PTPRT: variants seen among roughly 807,000 people sequenced by gnomAD.
The protein encoded by PTPRT is protein tyrosine phosphatase receptor type T.
In PTPRT, 56 loss-of-function variants were observed where a neutral mutation model predicts 176.8. That is an observed-to-expected ratio of 0.32 (90% CI 0.26 to 0.40). The LOEUF is 0.40. PTPRT is among the 10% of genes least tolerant of loss of function. The pLI is 1.00. For synonymous variants in PTPRT, 783 were observed against 739.0 expected (o/e 1.06, Z -0.96); for missense variants, 1,540 against 1,908.2 (o/e 0.81, Z 3.60).
intron 1 of PTPRT, among the ~76,000 whole-genome samples, chr20:43,165,969 C>T (rs1335682354): frequency 1.3e-5 from 2 of 152,126 alleles, no homozygotes; most frequent in East Asian, 1.9e-4. Flanking sequence ...GCAGGCAGAT[C>T]ACCTGAGGTC....
At chr20:42,547,290 C>A (rs1050852016) in intron 7 of PTPRT, among the ~76,000 whole-genome samples, 2 of 151,918 alleles carry the variant, frequency 1.3e-5, no homozygotes, top group Non-Finnish European at 2.9e-5. Flanking sequence ...AACATGGACA[C>A]CAAGAAATAC....
intron 7 of PTPRT, among the ~76,000 whole-genome samples, chr20:42,657,809 T>A (rs1249271486): frequency 3.3e-5 from 5 of 152,216 alleles, no homozygotes; most frequent in Non-Finnish European, 5.9e-5. Flanking sequence ...ATTCCTGAAG[T>A]ATACAGATCT....
chr20:42,488,199 T>C (rs1023483193), intron 7 of PTPRT, among the ~76,000 whole-genome samples: 1 of 152,334 alleles, frequency 6.6e-6, no homozygotes, highest in Admixed American at 6.5e-5. Context: ...AATCACACTG[T>C]AGTAGACCTT....
At chr20:42,702,511 A>G (rs1254665092) in intron 6 of PTPRT, among the ~76,000 whole-genome samples, 1 of 152,150 alleles carries the variant, frequency 6.6e-6, no homozygotes, top group African/African-American at 2.4e-5. Context: ...CTCCCTTGAC[A>G]CACTGAACCC....
chr20:42,487,305 G>C (rs1199998686), intron 7 of PTPRT, among the ~76,000 whole-genome samples: 1 of 152,140 alleles, frequency 6.6e-6, no homozygotes, highest in African/African-American at 2.4e-5. Flanking sequence ...AGCCAAACTG[G>C]TCAGATGAGT....
intron 1 of PTPRT, among the ~76,000 whole-genome samples, chr20:43,141,189 G>A (rs1247457988): frequency 6.6e-6 from 1 of 152,208 alleles, no homozygotes; most frequent in Non-Finnish European, 1.5e-5. Context: ...ATGTCAGTTA[G>A]CTCTGGCTGT....
chr20:42,958,294 A>G (rs1346887457), intron 1 of PTPRT, among the ~76,000 whole-genome samples: 2 of 724 alleles, frequency 2.8e-3, no homozygotes, highest in Non-Finnish European at 5.6e-3. Flanking sequence ...GGAAGGGGAG[A>G]GGAGGGGAGG....
chr20:42,646,827 T>G (rs1234676356), intron 7 of PTPRT, among the ~76,000 whole-genome samples: 1 of 148,590 alleles, frequency 6.7e-6, no homozygotes, highest in East Asian at 2.0e-4. Context: ...ATAAATCACA[T>G]GTACCTGTTC....
intron 7 of PTPRT, among the ~76,000 whole-genome samples, chr20:42,484,459 C>T (rs1410008858): frequency 6.6e-6 from 1 of 152,180 alleles, no homozygotes; most frequent in East Asian, 1.9e-4. Context: ...CTGCCACTTT[C>T]GTTGCCTGTT....
At chr20:43,177,222 C>A (rs529988117) in intron 1 of PTPRT, among the ~76,000 whole-genome samples, 1 of 152,228 alleles carries the variant, frequency 6.6e-6, no homozygotes, top group African/African-American at 2.4e-5. Context: ...TGAGAATTTG[C>A]GGGGAGCTGA....
At chr20:42,434,716 C>T (rs1287804779) in intron 9 of PTPRT, among the ~76,000 whole-genome samples, 7 of 150,220 alleles carry the variant, frequency 4.7e-5, no homozygotes, top group Non-Finnish European at 8.9e-5. Context: ...AATCCCAGCA[C>T]TTTGGGAGGC....
At chr20:42,728,846 C>T (rs1569116286) in intron 6 of PTPRT, among the ~76,000 whole-genome samples, 1 of 152,302 alleles carries the variant, frequency 6.6e-6, no homozygotes, top group East Asian at 1.9e-4. Flanking sequence ...GAAATCATCT[C>T]ATTTAACTTC....
At chr20:42,584,277 C>G (rs2073431728) in intron 7 of PTPRT, among the ~76,000 whole-genome samples, 1 of 152,172 alleles carries the variant, frequency 6.6e-6, no homozygotes, top group Non-Finnish European at 1.5e-5. Context: ...CCATAAATCT[C>G]TACGTGATCT....
chr20:42,066,512 T>C, the PTPRT span, among the ~76,000 whole-genome samples: 1 of 152,186 alleles, frequency 6.6e-6, no homozygotes, highest in African/African-American at 2.4e-5. Context: ...ATATTCATAA[T>C]ATGAATTAAG....
chr20:42,060,115 T>C, the PTPRT span, among the ~76,000 whole-genome samples: 1 of 152,222 alleles, frequency 6.6e-6, no homozygotes, highest in African/African-American at 2.4e-5. Context: ...CACCAAATTT[T>C]GGATGGAGTA....
At chr20:42,210,710 G>C (rs2055601738) in intron 15 of PTPRT, among the ~76,000 whole-genome samples, 1 of 151,862 alleles carries the variant, frequency 6.6e-6, no homozygotes, top group African/African-American at 2.4e-5. Context: ...CGTGAAAATG[G>C]CCATACTGCC....
chr20:42,751,113 T>C (rs2076763899), intron 6 of PTPRT, among the ~76,000 whole-genome samples: 1 of 152,186 alleles, frequency 6.6e-6, no homozygotes, highest in Non-Finnish European at 1.5e-5. Flanking sequence ...TGTGAGCCAG[T>C]CAGCCATGAA....
At chr20:42,184,595 C>CTTCTTCCTCTTCT (rs1990684333) in intron 16 of PTPRT, among the ~76,000 whole-genome samples, 2 of 29,426 alleles carry the variant, frequency 6.8e-5, no homozygotes, top group African/African-American at 1.8e-4. Context: ...CTTCTTCTTC[C>CTTCTTCCTCTTCT]TCTTCTTCTT....
intron 16 of PTPRT, among the ~76,000 whole-genome samples, chr20:42,193,937 ACT>A (rs1991098220): frequency 6.6e-6 from 1 of 152,070 alleles, no homozygotes; most frequent in East Asian, 1.9e-4. Context: ...AGATGGATAG[ACT>A]CTAACTGAAA....
Sources: allele counts gnomAD v4.1 joint callset (sites outside exome capture counted in the v4.1 genomes callset), GRCh38; gene constraint gnomAD v4.1.1; transcripts MANE v1.5; gene names NCBI Gene and HGNC (gene_info 2026-07-23, HGNC 2026-07-21).